Variants in DPYSL3 observed in about 807,000 individuals in gnomAD.
DPYSL3 encodes the protein dihydropyrimidinase-related protein 3.
In DPYSL3, 16 loss-of-function variants were observed where a neutral mutation model predicts 66.1. The ratio of observed to expected loss-of-function variants is 0.24; its 90% CI spans 0.16 to 0.37. The LOEUF (loss-of-function observed/expected upper bound fraction) is 0.37. DPYSL3 is among the 10% of genes least tolerant of loss of function. The pLI, the probability that DPYSL3 is intolerant of heterozygous loss-of-function variation, is 1.00. For missense variants in DPYSL3, 738 were observed against 916.2 expected (o/e 0.81, Z 2.51); for synonymous variants, 338 against 345.1 (o/e 0.98, Z 0.23).
chr5:147,455,715 T>C (rs1752839578), intron 1 of DPYSL3, among the ~76,000 whole-genome samples: 1 of 152,032 alleles, frequency 6.6e-6, no homozygotes, highest in Admixed American at 6.5e-5. Flanking sequence ...ATCTTGCACA[T>C]TTTTCTCAAG....
chr5:147,494,943 T>C (rs1255606020), intron 1 of DPYSL3, among the ~76,000 whole-genome samples: 1 of 151,312 alleles, frequency 6.6e-6, no homozygotes, highest in Non-Finnish European at 1.5e-5. Flanking sequence ...ACCCATAGAT[T>C]TGATAAACTA....
intron 1 of DPYSL3, among the ~76,000 whole-genome samples, chr5:147,470,177 C>T (rs1753065529): frequency 6.6e-6 from 1 of 152,118 alleles, no homozygotes; most frequent in South Asian, 2.1e-4. Context: ...GCAGCCTTCT[C>T]CCTCTACCCA....
chr5:147,445,536 CA>C (rs1401921909), intron 1 of DPYSL3, among the ~76,000 whole-genome samples: 1 of 152,084 alleles, frequency 6.6e-6, no homozygotes, highest in African/African-American at 2.4e-5. Flanking sequence ...ATGTGACAAC[CA>C]AAGATTAAGT....
chr5:147,425,114 G>A, intron 1 of DPYSL3, 151 bp from the exon 2 acceptor site: 1 of 548,350 alleles, frequency 1.8e-6, no homozygotes, highest in Non-Finnish European at 3.2e-6. Flanking sequence ...AACATTTAAA[G>A]TAGGTGTATT....
intron 10 of DPYSL3, among the ~76,000 whole-genome samples, chr5:147,400,047 A>G (rs75751305): frequency 0.021 from 3,221 of 152,312 alleles, 40 homozygotes; most frequent in South Asian, 0.032. Context: ...CATAACTTTG[A>G]TAAGAATGTT....
intron 5 of DPYSL3, among the ~76,000 whole-genome samples, chr5:147,413,152 G>A (rs911607018): frequency 2.0e-5 from 3 of 152,250 alleles, no homozygotes; most frequent in Admixed American, 6.5e-5. Context: ...TTCATTTCTT[G>A]TATTTCCTCT....
chr5:147,433,988 C>T (rs1037005422), intron 1 of DPYSL3, among the ~76,000 whole-genome samples: 7 of 151,272 alleles, frequency 4.6e-5, no homozygotes, highest in African/African-American at 1.7e-4. Flanking sequence ...TGAGATTGCA[C>T]CACTGCACTC....
At chr5:147,454,218 C>G (rs1293495845) in intron 1 of DPYSL3, 1 of 152,170 alleles carries the variant, frequency 6.6e-6, no homozygotes, top group Admixed American at 6.5e-5. Context: ...GGCTTCCCTC[C>G]CGGCACCCGC....
chr5:147,508,960 C>T (rs1753718635), intron 1 of DPYSL3, among the ~76,000 whole-genome samples: 3 of 152,132 alleles, frequency 2.0e-5, no homozygotes, highest in Admixed American at 2.0e-4. Context: ...GTTTCAGGGA[C>T]AGAGCTGATG....
chr5:147,462,425 C>T (rs1752947479), intron 1 of DPYSL3, among the ~76,000 whole-genome samples: 1 of 152,044 alleles, frequency 6.6e-6, no homozygotes, highest in African/African-American at 2.4e-5. Flanking sequence ...CAAGAAATGA[C>T]AAGTACATTG....
At position 147,394,022 on chromosome 5, in the gene DPYSL3, G is replaced by T; in HGVS notation, c.*13C>A. The T allele has an allele frequency of 1.2e-6, 2 of 1,613,786 alleles. No homozygotes were observed. Among genetic ancestry groups the T allele is most frequent in the Non-Finnish European group, 1.7e-6 (2 of 1,179,794 alleles). ...TCTTCTTGCTTCTGCCCCTCTCTTT[G>T]AGGAAGGCTTGCTTAACTCAGAGAT... is the stretch of plus-strand genomic sequence containing the variant. On this transcript the variant is annotated 3_prime_UTR_variant, in exon 14 of 14. Coordinates refer to ENST00000343218, the MANE Select transcript of DPYSL3 (RefSeq NM_001197294.2).
chr5:147,416,541 A>G (rs1024717968), intron 3 of DPYSL3, among the ~76,000 whole-genome samples: 1 of 152,176 alleles, frequency 6.6e-6, no homozygotes, highest in African/African-American at 2.4e-5. Context: ...TGGCATCTAC[A>G]GTTGATGAAG....
chr5:147,428,069 T>C (rs1752229934), intron 1 of DPYSL3, among the ~76,000 whole-genome samples: 2 of 152,182 alleles, frequency 1.3e-5, no homozygotes, highest in Non-Finnish European at 2.9e-5. Flanking sequence ...ATCAGGGGGA[T>C]AGTAAGCACT....
intron 1 of DPYSL3, among the ~76,000 whole-genome samples, chr5:147,487,901 T>C (rs1038033760): frequency 6.6e-5 from 10 of 152,146 alleles, no homozygotes; most frequent in African/African-American, 2.4e-4. Flanking sequence ...CACTAAAAAG[T>C]TCCCTTAGTG....
At position 147,393,972 on chromosome 5, in the gene DPYSL3, G is replaced by A; in HGVS notation, c.*63C>T. ...TTCGCTTTCCTTCTTAAATATCGGTGTACCATTTTGGCTTCAAAACAATCT... is the reference window on the plus strand; with the variant it reads ...TTCGCTTTCCTTCTTAAATATCGGTATACCATTTTGGCTTCAAAACAATCT... On this transcript the variant is annotated 3_prime_UTR_variant, in exon 14 of 14. Transcript: ENST00000343218. 1 of 1,515,892 alleles carries A rather than the reference G, an allele frequency of 6.6e-7. No individual in the cohort carries two copies. Among genetic ancestry groups the A allele is most frequent in the Middle Eastern group, 1.7e-4 (1 of 5,836 alleles). The allele number at this position is 1,515,892 out of a possible 1,614,324, so 93.9% of individuals were successfully genotyped here.
chr5:147,504,208 T>C (rs1429770691), intron 1 of DPYSL3, among the ~76,000 whole-genome samples: 1 of 152,246 alleles, frequency 6.6e-6, no homozygotes, highest in East Asian at 1.9e-4. Flanking sequence ...TCAGAGACAG[T>C]GTTCTGGCTG....
intron 1 of DPYSL3, among the ~76,000 whole-genome samples, chr5:147,478,482 A>G (rs1753192983): frequency 6.6e-6 from 1 of 152,184 alleles, no homozygotes; most frequent in African/African-American, 2.4e-5. Context: ...AGAGTCCAAG[A>G]TGCCTGTTAA....
At chr5:147,428,122 A>G (rs1752231987) in intron 1 of DPYSL3, among the ~76,000 whole-genome samples, 1 of 152,196 alleles carries the variant, frequency 6.6e-6, no homozygotes, top group African/African-American at 2.4e-5. Context: ...GTCATTGGAA[A>G]CTTTTCAAAT....
chr5:147,397,649 G>A lies in DPYSL3; in HGVS notation c.1803+17C>T, dbSNP rs1311384363. ...CACAAAGCTCCTGCACCACCTCAGA[G>A]CTCCAATGCTTTTTACCTTCCTCCG... On this transcript the variant is annotated intron_variant, in intron 12 of 13. Transcript: ENST00000343218. 1 of 1,609,624 alleles carries A rather than the reference G, an allele frequency of 6.2e-7. No homozygotes were observed. The highest frequency in any genetic ancestry group is 1.3e-5 in the African/African-American group (1 of 74,986).
Sources: allele counts gnomAD v4.1 joint callset (sites outside exome capture counted in the v4.1 genomes callset), GRCh38; gene constraint gnomAD v4.1.1; transcripts MANE v1.5; gene names NCBI Gene and HGNC (gene_info 2026-07-23, HGNC 2026-07-21).